Variants in AK7 observed in about 807,000 individuals in gnomAD.
AK7 encodes the protein adenylate kinase 7.
In AK7, 78 loss-of-function variants were observed where a neutral mutation model predicts 96.6. The observed-to-expected ratio is 0.81, with a 90% confidence interval of 0.67 to 0.97. AK7 has a LOEUF of 0.97. Among genes scored for constraint, AK7 ranks in the 50% least tolerant of loss-of-function variants. The probability of loss-of-function intolerance (pLI) is 0.00; values close to 1 mark genes in which losing one functional copy is unlikely to be tolerated. For synonymous variants in AK7, 302 were observed against 317.2 expected, an observed-to-expected ratio of 0.95 and a Z score of 0.51; for missense variants, 855 against 887.9, an observed-to-expected ratio of 0.96 and a Z score of 0.47.
chr14:96,392,310 C>G, intron 1 of AK7, 51 bp downstream of exon 1: 1 of 1,515,170 alleles, frequency 6.6e-7, no homozygotes, highest in Non-Finnish European at 9.1e-7. Flanking sequence ...AGCTCCCAGC[C>G]CTCGGCCCCC....
At chr14:96,434,118 C>T (rs1168868411) in intron 5 of AK7, among the ~76,000 whole-genome samples, 1 of 152,158 alleles carries the variant, frequency 6.6e-6, no homozygotes, top group Non-Finnish European at 1.5e-5. Context: ...TGCTAGTTGA[C>T]GTTCTTCAGT....
chr14:96,451,741 A>G (rs1893617588), intron 10 of AK7, among the ~76,000 whole-genome samples, 171 bp downstream of exon 10: 2 of 152,198 alleles, frequency 1.3e-5, no homozygotes, highest in Non-Finnish European at 2.9e-5. Context: ...ATGTATATCA[A>G]ATTAATACCT....
At chr14:96,427,016 C>T (rs576654359) in intron 5 of AK7, among the ~76,000 whole-genome samples, 73 of 152,244 alleles carry the variant, frequency 4.8e-4, no homozygotes, top group African/African-American at 1.5e-3. Flanking sequence ...GAGGTGGAGG[C>T]GGGCAGATCA....
chr14:96,434,924 A>G (rs543033939), intron 5 of AK7, among the ~76,000 whole-genome samples: 21 of 152,286 alleles, frequency 1.4e-4, no homozygotes, highest in African/African-American at 4.8e-4. Flanking sequence ...TTAGGGTCCA[A>G]GATCTCTTAA....
At chr14:96,401,824 A>T (rs1890425785) in intron 2 of AK7, among the ~76,000 whole-genome samples, 1 of 152,208 alleles carries the variant, frequency 6.6e-6, no homozygotes, top group African/African-American at 2.4e-5. Flanking sequence ...TCATCCTTCC[A>T]GCCCAACTCA....
At position 96,398,236 on chromosome 14, in the gene AK7, G is replaced by A. The variant is rs1197414818; in HGVS notation, c.267G>A (p.Arg89=). The A allele has an allele frequency of 7.4e-6, 12 of 1,613,302 alleles. No individual in the cohort carries two copies. Among genetic ancestry groups the A allele is most frequent in the Admixed American group, 1.7e-5 (1 of 60,006 alleles). The change falls in exon 2 of 18, where the codon CGG becomes CGA. Residue 89 remains arginine, a synonymous_variant. Transcript: ENST00000267584. The stretch of plus-strand genomic sequence containing the variant: ...CGCTGTCCAAGCCTGACAGCCCGCG[G>A]CCTGACTTTGCGGTGGAGACGTACT... ...VGTLSKPDSP[R]PDFAVETYSA...
chr14:96,402,820 G>A (rs1465355013), intron 2 of AK7, among the ~76,000 whole-genome samples: 1 of 151,708 alleles, frequency 6.6e-6, no homozygotes, highest in Non-Finnish European at 1.5e-5. Context: ...GGTGTTTGCA[G>A]AGGAAATCCA....
intron 12 of AK7, among the ~76,000 whole-genome samples, chr14:96,463,299 CAAG>C (rs1366745194): frequency 1.3e-5 from 2 of 152,094 alleles, no homozygotes; most frequent in Admixed American, 6.5e-5. Flanking sequence ...CTTTATTAAA[CAAG>C]AAGATGAAGA....
chr14:96,476,032 A>T (rs915474798), intron 14 of AK7, among the ~76,000 whole-genome samples: 39 of 152,008 alleles, frequency 2.6e-4, no homozygotes, highest in Admixed American at 4.6e-4. Flanking sequence ...AGAAAATAAA[A>T]GAAACACATT....
At chr14:96,487,857 A>G (rs1463243902) in intron 17 of AK7, 1 of 225,432 alleles carries the variant, frequency 4.4e-6, no homozygotes, top group South Asian at 5.4e-5. Context: ...AAACCCATGT[A>G]AGATTTTTAT....
intron 5 of AK7, 45 bp from the exon 6 acceptor site, chr14:96,437,790 A>G (rs775781680): frequency 1.4e-6 from 2 of 1,446,102 alleles, no homozygotes; most frequent in Non-Finnish European, 1.9e-6. Flanking sequence ...CAGTATGACT[A>G]ATAATATTAC....
chr14:96,486,405 T>C (rs1050678887), intron 16 of AK7, among the ~76,000 whole-genome samples: 1 of 152,248 alleles, frequency 6.6e-6, no homozygotes, highest in Non-Finnish European at 1.5e-5. Context: ...ATTTAGGTAT[T>C]GTAAATTGTA....
At chr14:96,444,715 C>T (rs1893135386) in intron 7 of AK7, among the ~76,000 whole-genome samples, 1 of 151,736 alleles carries the variant, frequency 6.6e-6, no homozygotes, top group African/African-American at 2.4e-5. Context: ...GGTTATCTTT[C>T]CTTTTTTTTT....
chr14:96,486,114 G>C (rs956704521), intron 16 of AK7, among the ~76,000 whole-genome samples: 1 of 152,200 alleles, frequency 6.6e-6, no homozygotes, highest in Non-Finnish European at 1.5e-5. Context: ...GCAAGTGATA[G>C]AAAAGCAAAC....
intron 14 of AK7, among the ~76,000 whole-genome samples, chr14:96,475,726 C>T (rs1456853601): frequency 1.3e-5 from 2 of 152,100 alleles, no homozygotes; most frequent in Non-Finnish European, 2.9e-5. Flanking sequence ...AATTCCAGCA[C>T]TTGGGGAGGC....
chr14:96,449,430 G>T lies in AK7; in HGVS notation c.871-372G>T, dbSNP rs573793448. Among the ~76,000 whole-genome samples the T allele has an allele frequency of 1.4e-3, 213 of 152,052 alleles. 1 individual carries two copies. The highest frequency in any genetic ancestry group is 5.0e-3 in the African/African-American group (208 of 41,494). On this transcript the variant is annotated intron_variant, in intron 8 of 17. Coordinates refer to ENST00000267584, the MANE Select transcript of AK7 (RefSeq NM_152327.5). ...CACATTCATTTGAGGGTGTTTGTTTGTTTGTTTGTTTGTTTGCTTTTGAGA... is the reference window on the plus strand; with the variant it reads ...CACATTCATTTGAGGGTGTTTGTTTTTTTGTTTGTTTGTTTGCTTTTGAGA...
chr14:96,398,009 C>T lies in AK7; in HGVS notation c.106-66C>T, dbSNP rs566558931. 3 of 1,513,382 alleles carry T rather than the reference C, an allele frequency of 2.0e-6. No homozygotes were observed. In the South Asian group the frequency reaches 3.7e-5, roughly 19 times the overall value. 93.7% of individuals were successfully genotyped at this position (1,513,382 alleles called of 1,614,324 possible). A position where few individuals can be genotyped will look rare whatever the true frequency, so the allele number is the denominator to read the frequency against. ...CTCGGGAAAGGTAAGTTTCTAGAAT[C>T]ATCATTCACTGGCCCCCTGACTCTA... On this transcript the variant is annotated intron_variant, in intron 1 of 17. Coordinates refer to ENST00000267584, the MANE Select transcript of AK7 (RefSeq NM_152327.5).
At chr14:96,452,034 T>G (rs1307167613) in intron 10 of AK7, among the ~76,000 whole-genome samples, 6 of 152,226 alleles carry the variant, frequency 3.9e-5, no homozygotes, top group African/African-American at 1.4e-4. Context: ...GATTACTACT[T>G]TGATCTCTTT....
chr14:96,463,577 G>A (rs549106243), intron 12 of AK7, among the ~76,000 whole-genome samples: 56 of 151,912 alleles, frequency 3.7e-4, no homozygotes, highest in African/African-American at 1.2e-3. Context: ...AAAATTAGCC[G>A]GGTGTGGTGG....
Sources: allele counts gnomAD v4.1 joint callset (sites outside exome capture counted in the v4.1 genomes callset), GRCh38; gene constraint gnomAD v4.1.1; transcripts MANE v1.5; gene names NCBI Gene and HGNC (gene_info 2026-07-23, HGNC 2026-07-21).